The following CAPN13 variants were observed in gnomAD, a reference collection of about 807,000 sequenced individuals.
CAPN13 encodes calpain-13.
A neutral mutation model predicts 98.4 loss-of-function variants in CAPN13; 90 were observed. The observed-to-expected ratio is 0.92, with a 90% CI of 0.77 to 1.09. The LOEUF (loss-of-function observed/expected upper bound fraction) is 1.09, where lower values mean the gene tolerates loss of function less well. Ranked by LOEUF, CAPN13 falls within the 50% of genes least tolerant of loss-of-function variation. CAPN13 has a pLI of 0.00. For missense variants in CAPN13, 887 were observed against 841.3 expected (o/e 1.05, Z -0.67); for synonymous variants, 330 against 305.5 (o/e 1.08, Z -0.84).
chr2:30,789,590 G>T (rs1008565754), intron 1 of CAPN13, among the ~76,000 whole-genome samples: 1 of 152,144 alleles, frequency 6.6e-6, no homozygotes, highest in African/African-American at 2.4e-5. Context: ...TGGAGGACTG[G>T]CCAGACTTTA....
chr2:30,759,245 C>T (rs1172139547), intron 7 of CAPN13, among the ~76,000 whole-genome samples: 1 of 151,746 alleles, frequency 6.6e-6, no homozygotes, highest in Non-Finnish European at 1.5e-5. Flanking sequence ...CTCCTTTCCT[C>T]CTTCCTTTCT....
At chr2:30,763,971 G>A (rs893645802) in intron 6 of CAPN13, among the ~76,000 whole-genome samples, 161 bp downstream of exon 6, 3 of 152,230 alleles carry the variant, frequency 2.0e-5, no homozygotes, top group Non-Finnish European at 4.4e-5. Flanking sequence ...TTAGAGGCAG[G>A]CTACTGCAGG....
intron 5 of CAPN13, among the ~76,000 whole-genome samples, chr2:30,766,574 G>A (rs531855604): frequency 1.8e-4 from 27 of 152,202 alleles, no homozygotes; most frequent in Non-Finnish European, 3.1e-4. Flanking sequence ...AGAGAGAACT[G>A]TGTTCACCGC....
chr2:30,754,319 T>C lies in CAPN13; in HGVS notation c.912A>G (p.Leu304=), dbSNP rs766731658. ...EETCDPRKSQ[L]HKKREDGEFW... ...ACTCGCCATCTTCCCGTTTCTTATG[T>C]AGCTGGCTTTTCCGCGGATCACAGG... Residue 304 remains leucine (L), a synonymous_variant, in exon 9 of 23, where the codon CTA becomes CTG. Coordinates refer to ENST00000295055, the MANE Select transcript of CAPN13 (RefSeq NM_144575.3). The C allele has an allele frequency of 3.7e-6, 6 of 1,607,196 alleles. No individual in the cohort carries two copies. In the East Asian group the frequency reaches 1.3e-4, roughly 36 times the overall value.
intron 10 of CAPN13, among the ~76,000 whole-genome samples, chr2:30,752,469 G>T (rs1378195654): frequency 6.6e-6 from 1 of 152,204 alleles, no homozygotes; most frequent in African/African-American, 2.4e-5. Context: ...TCTCAGGGGA[G>T]CTCAAAGACA....
At chr2:30,789,995 G>C (rs1246955995) in intron 1 of CAPN13, among the ~76,000 whole-genome samples, 1 of 152,222 alleles carries the variant, frequency 6.6e-6, no homozygotes, top group East Asian at 1.9e-4. Context: ...AGCAGGCTGG[G>C]TGTCTGCTGC....
intron 7 of CAPN13, among the ~76,000 whole-genome samples, chr2:30,762,617 G>A (rs930661397): frequency 7.9e-5 from 12 of 152,200 alleles, no homozygotes; most frequent in Non-Finnish European, 1.2e-4. Flanking sequence ...GGATGGCAGA[G>A]CCACCTACTA....
At chr2:30,753,723 C>T (rs542931609) in intron 9 of CAPN13, among the ~76,000 whole-genome samples, 48 of 152,344 alleles carry the variant, frequency 3.2e-4, no homozygotes, top group African/African-American at 1.0e-3. Flanking sequence ...CTCCTTTCCA[C>T]ACATGCTAAT....
chr2:30,757,360 T>G (rs371803225), intron 8 of CAPN13, among the ~76,000 whole-genome samples: 11 of 152,186 alleles, frequency 7.2e-5, no homozygotes, highest in Non-Finnish European at 1.6e-4. Context: ...GCCAGCCCAG[T>G]TCCCTGGGGA....
At chr2:30,787,716 G>T (rs1674372721) in intron 1 of CAPN13, among the ~76,000 whole-genome samples, 1 of 152,224 alleles carries the variant, frequency 6.6e-6, no homozygotes, top group South Asian at 2.1e-4. Flanking sequence ...AGAGGCCCAT[G>T]AGTTGCATTG....
intron 2 of CAPN13, among the ~76,000 whole-genome samples, chr2:30,782,387 G>A (rs935189660): frequency 4.6e-5 from 7 of 152,212 alleles, no homozygotes; most frequent in African/African-American, 1.7e-4. Context: ...AGAGGACTTA[G>A]ATTTATTGGC....
intron 1 of CAPN13, among the ~76,000 whole-genome samples, chr2:30,803,676 G>T (rs911387530): frequency 6.6e-6 from 1 of 152,204 alleles, no homozygotes; most frequent in African/African-American, 2.4e-5. Context: ...CCCATCTCAT[G>T]TTGAACTCAC....
At chr2:30,776,388 T>C (rs1673695845) in intron 3 of CAPN13, among the ~76,000 whole-genome samples, 1 of 152,092 alleles carries the variant, frequency 6.6e-6, no homozygotes, top group Admixed American at 6.6e-5. Flanking sequence ...ATTTTTTTTA[T>C]TTTTAGTGGA....
chr2:30,771,618 T>C (rs1673416798), intron 4 of CAPN13, among the ~76,000 whole-genome samples: 1 of 152,136 alleles, frequency 6.6e-6, no homozygotes, highest in Non-Finnish European at 1.5e-5. Context: ...GATTACAAAA[T>C]GCATCCGAAG....
chr2:30,743,868 A>C (rs1202556104), intron 12 of CAPN13: 1 of 540,478 alleles, frequency 1.9e-6, no homozygotes, highest in Admixed American at 2.6e-5. Context: ...CTGCTTATAT[A>C]GAGAGAAAAC....
chr2:30,797,718 C>T (rs1199404328), intron 1 of CAPN13, among the ~76,000 whole-genome samples: 1 of 152,230 alleles, frequency 6.6e-6, no homozygotes, highest in African/African-American at 2.4e-5. Flanking sequence ...GAACTCCCAA[C>T]CTCGGGTCTC....
At chr2:30,800,131 A>G (rs1022119011) in intron 1 of CAPN13, among the ~76,000 whole-genome samples, 1 of 143,278 alleles carries the variant, frequency 7.0e-6, no homozygotes, top group Admixed American at 6.9e-5. Flanking sequence ...AAAGAAAGAA[A>G]GAAAGAAAGA....
intron 11 of CAPN13, among the ~76,000 whole-genome samples, chr2:30,750,021 C>A (rs1324545731): frequency 6.6e-6 from 1 of 152,174 alleles, no homozygotes; most frequent in Admixed American, 6.5e-5. Flanking sequence ...CTGTGCATTG[C>A]AGCACTGTTC....
In CAPN13 at chr2:30,760,462, C is replaced by T. The variant is rs542546151; in HGVS notation, c.775-2325G>A. 3.9e-5 allele frequency among the ~76,000 whole-genome samples: 6 copies of T among 152,160 alleles called. No homozygotes were observed. In the South Asian group the frequency reaches 1.2e-3, roughly 32 times the overall value. On this transcript the variant is annotated intron_variant, in intron 7 of 22. Transcript: ENST00000295055. ...GCATGGTGGGGAGAAAAGCAGCCTG[C>T]GATTCAAAGGGGCTGAAAGCAGGGC...
Sources: gnomAD v4.1 joint callset for allele counts (sites outside exome capture counted in the v4.1 genomes callset) on GRCh38, gnomAD v4.1.1 for gene constraint, MANE v1.5 for transcripts, NCBI Gene and HGNC (gene_info 2026-07-23, HGNC 2026-07-21) for gene names.